Variants in R3HCC1L observed in about 807,000 individuals in gnomAD.
R3HCC1L encodes the protein R3H domain and coiled-coil containing 1 like.
In R3HCC1L, 51 loss-of-function variants were observed where a neutral mutation model predicts 59.9. The ratio of observed to expected loss-of-function variants is 0.85; its 90% confidence interval spans 0.68 to 1.07. The LOEUF (loss-of-function observed/expected upper bound fraction) is 1.07. Among genes scored for constraint, R3HCC1L ranks in the 50% least tolerant of loss-of-function variants. The probability of loss-of-function intolerance (pLI) is 0.00; values close to 1 mark genes in which losing one functional copy is unlikely to be tolerated. For missense variants in R3HCC1L, 965 were observed against 933.0 expected (o/e 1.03, Z -0.45); for synonymous variants, 322 against 315.2 (o/e 1.02, Z -0.23).
At chr10:98,220,780 GTTGGACAT>G (rs1209323739) in intron 5 of R3HCC1L, among the ~76,000 whole-genome samples, 5 of 151,762 alleles carry the variant, frequency 3.3e-5, no homozygotes, top group Non-Finnish European at 7.4e-5. Flanking sequence ...GTCTGTCATT[GTTGGACAT>G]TTGGGTTGGT....
intron 4 of R3HCC1L, among the ~76,000 whole-genome samples, chr10:98,164,692 A>G (rs1421968056): frequency 6.6e-6 from 1 of 152,208 alleles, no homozygotes; most frequent in Non-Finnish European, 1.5e-5. Flanking sequence ...CCCCAGATGC[A>G]GTGCTGACAA....
chr10:98,208,628 G>T lies in R3HCC1L; in HGVS notation c.514G>T (p.Glu172Ter). ...TTCACAGGCCTGTTTAGAAATCAGC[G>T]AGGCTCAAGTTCCAAGCAAACCATT... ...LLSQACLEIS[E>*]AQVPSKPFQN... The change falls in exon 5 of 10, where the codon GAG becomes TAG. Residue 172 changes from glutamate (E) to a stop codon, truncating the protein, a stop_gained. Transcript: ENST00000298999. LOFTEE classifies it high-confidence loss of function. The T allele has an allele frequency of 6.2e-7, 1 of 1,614,064 alleles. No homozygotes were observed. The highest frequency in any genetic ancestry group is 8.5e-7 in the Non-Finnish European group (1 of 1,180,010).
intron 8 of R3HCC1L, 94 bp downstream of exon 8, chr10:98,235,614 C>A: frequency 1.1e-6 from 1 of 912,730 alleles, no homozygotes; most frequent in Non-Finnish European, 1.6e-6. Flanking sequence ...AAAGACATAT[C>A]ACTTTTATTT....
intron 9 of R3HCC1L, among the ~76,000 whole-genome samples, chr10:98,243,210 T>C (rs1051190252): frequency 1.3e-5 from 2 of 152,240 alleles, no homozygotes; most frequent in East Asian, 1.9e-4. Flanking sequence ...TTCTGTAATC[T>C]CCCTGGTTCA....
chr10:98,198,500 A>AT (rs11369873), intron 4 of R3HCC1L, among the ~76,000 whole-genome samples: 140,018 of 151,382 alleles, frequency 0.92, 65,716 homozygotes, highest in East Asian at 1. Flanking sequence ...ATGATTTGAA[A>AT]TTAGGGCCTT....
chr10:98,218,740 C>G (rs1325451097), intron 5 of R3HCC1L, among the ~76,000 whole-genome samples: 1 of 152,148 alleles, frequency 6.6e-6, no homozygotes, highest in Admixed American at 6.5e-5. Context: ...GATTTTCTGT[C>G]TAGATGATCT....
At chr10:98,219,776 C>T (rs1854650353) in intron 5 of R3HCC1L, among the ~76,000 whole-genome samples, 1 of 152,118 alleles carries the variant, frequency 6.6e-6, no homozygotes, top group East Asian at 1.9e-4. Flanking sequence ...TTCTGTATAT[C>T]CCTTCTATGT....
chr10:98,168,104 G>A (rs971877778), intron 4 of R3HCC1L, among the ~76,000 whole-genome samples: 6 of 152,170 alleles, frequency 3.9e-5, no homozygotes, highest in Admixed American at 2.0e-4. Flanking sequence ...GATGTGTATT[G>A]AGGGAAAGAA....
chr10:98,205,955 C>T (rs1222235380), intron 4 of R3HCC1L, among the ~76,000 whole-genome samples: 1 of 152,086 alleles, frequency 6.6e-6, no homozygotes, highest in Non-Finnish European at 1.5e-5. Flanking sequence ...TAGTAGAATT[C>T]TTTCTTACTT....
rs1355414243 is a variant in R3HCC1L, at chr10:98,163,379, A to G, written c.-33A>G. 1.5e-6 allele frequency: 2 copies of G among 1,340,524 alleles called. No homozygotes were observed. Among genetic ancestry groups the G allele is most frequent in the East Asian group, 5.3e-5 (2 of 37,672 alleles). 83.0% of individuals were successfully genotyped at this position (1,340,524 alleles called of 1,614,324 possible). A position where few individuals can be genotyped will look rare whatever the true frequency, so the allele number is the denominator to read the frequency against. ...TGTTGTAGAGTTTTATTACTAAGAA[A>G]ATAAATGTTACTTACATGGTAAGTT... On this transcript the variant is annotated 5_prime_UTR_variant, in exon 4 of 10. Coordinates refer to ENST00000298999, the MANE Select transcript of R3HCC1L (RefSeq NM_001351015.2).
chr10:98,180,837 G>T (rs888455032), intron 4 of R3HCC1L, among the ~76,000 whole-genome samples: 1 of 151,910 alleles, frequency 6.6e-6, no homozygotes, highest in Non-Finnish European at 1.5e-5. Context: ...ATCTTTGTTG[G>T]TTTAAAGTCT....
Position 98,208,594 on chromosome 10 carries a change from G to A in R3HCC1L, c.480G>A (p.Arg160=), listed in dbSNP as rs1448878940. Residue 160 remains arginine, a synonymous_variant, in exon 5 of 10, where the codon AGG becomes AGA. Transcript: ENST00000298999. ...CTACGGATGTGACAGGACATGAGAG[G>A]ATACTTCTTTCACAGGCCTGTTTAG... ...VETTDVTGHE[R]ILLSQACLEI... is the part of the protein sequence containing the mutation. The A allele has an allele frequency of 1.2e-6, 2 of 1,613,990 alleles. No homozygotes were observed. Among genetic ancestry groups the A allele is most frequent in the Non-Finnish European group, 1.7e-6 (2 of 1,180,022 alleles).
chr10:98,241,063 C>T (rs770564123), intron 9 of R3HCC1L, among the ~76,000 whole-genome samples: 36 of 151,992 alleles, frequency 2.4e-4, no homozygotes, highest in Non-Finnish European at 2.8e-4. Flanking sequence ...CTGTATTTTT[C>T]CATATATTAT....
intron 4 of R3HCC1L, among the ~76,000 whole-genome samples, chr10:98,193,684 CT>C (rs1353342486): frequency 6.6e-6 from 1 of 152,086 alleles, no homozygotes; most frequent in Non-Finnish European, 1.5e-5. Context: ...GGTTGAGCAT[CT>C]CTACTCCAAA....
chr10:98,155,314 C>T (rs1433465621), intron 1 of R3HCC1L, among the ~76,000 whole-genome samples: 2 of 152,172 alleles, frequency 1.3e-5, no homozygotes, highest in Non-Finnish European at 2.9e-5. Flanking sequence ...TCTAGTATTA[C>T]AATTCCTGAA....
chr10:98,241,336 G>A (rs796114636), intron 9 of R3HCC1L, among the ~76,000 whole-genome samples: 2 of 151,922 alleles, frequency 1.3e-5, no homozygotes, highest in African/African-American at 4.8e-5. Context: ...TTTAAAACAT[G>A]ACACCAAACT....
At chr10:98,226,002 A>T in intron 5 of R3HCC1L, among the ~76,000 whole-genome samples, 1 of 152,054 alleles carries the variant, frequency 6.6e-6, no homozygotes, top group East Asian at 1.9e-4. Context: ...GTGTGCCTCC[A>T]TGCCCGGCTA....
intron 5 of R3HCC1L, among the ~76,000 whole-genome samples, chr10:98,227,099 T>C (rs1452943429): frequency 2.0e-5 from 3 of 152,246 alleles, no homozygotes; most frequent in Admixed American, 2.0e-4. Context: ...GTGTTTGGCA[T>C]GTAACAGACT....
intron 4 of R3HCC1L, among the ~76,000 whole-genome samples, chr10:98,205,528 G>A (rs143390182): frequency 7.2e-4 from 110 of 152,166 alleles, no homozygotes; most frequent in African/African-American, 2.2e-3. Flanking sequence ...CTAAGAAGTC[G>A]CTCACATCAT....
Sources: gnomAD v4.1 joint callset for allele counts (sites outside exome capture counted in the v4.1 genomes callset) on GRCh38, gnomAD v4.1.1 for gene constraint, MANE v1.5 for transcripts, NCBI Gene and HGNC (gene_info 2026-07-23, HGNC 2026-07-21) for gene names.